CPPED1: variants seen among roughly 807,000 people sequenced by gnomAD.
CPPED1 encodes the protein serine/threonine-protein phosphatase CPPED1.
CPPED1 carries 28 observed loss-of-function variants against 28.0 expected under a neutral mutation model. The observed-to-expected ratio is 1.00, with a 90% confidence interval of 0.74 to 1.37. CPPED1 has a LOEUF of 1.37. Ranked by LOEUF, CPPED1 falls within the 40% of genes most tolerant of loss-of-function variation. The probability of loss-of-function intolerance (pLI) is 0.00; values close to 1 mark genes in which losing one functional copy is unlikely to be tolerated. For missense variants in CPPED1, 504 were observed against 416.5 expected (o/e 1.21, Z -1.83); for synonymous variants, 198 against 180.2 (o/e 1.10, Z -0.79).
At chr16:12,713,361 CT>C (rs2080089708) in intron 2 of CPPED1, among the ~76,000 whole-genome samples, 1 of 151,946 alleles carries the variant, frequency 6.6e-6, no homozygotes, top group Non-Finnish European at 1.5e-5. Flanking sequence ...CTAGTTTCTT[CT>C]TTTTTATTTT....
In CPPED1 at chr16:12,709,240, G is replaced by T. The variant is rs1325169594; in HGVS notation, c.290-4191C>A. ...ACAAAAAGAATGTATATAAAGGACA[G>T]GAAGAAAGGCAGGGAAACAAGGGGA... On this transcript the variant is annotated intron_variant, in intron 2 of 3. Transcript: ENST00000381774. This position sits in a 1 kb window ranked among gnomAD's most constrained non-coding sequence, Gnocchi z 4.4. Among the ~76,000 whole-genome samples, 2 of 152,192 alleles carry T rather than the reference G, an allele frequency of 1.3e-5. No homozygotes were observed. The highest frequency in any genetic ancestry group is 1.5e-5 in the Non-Finnish European group (1 of 68,044).
At chr16:12,694,741 G>T (rs1314694964) in intron 3 of CPPED1, among the ~76,000 whole-genome samples, 12 of 116,236 alleles carry the variant, frequency 1.0e-4, no homozygotes, top group African/African-American at 2.9e-4. Flanking sequence ...TGGGGGGGGG[G>T]GCGGGGGCAT....
At chr16:12,778,728 G>C (rs1350888266) in intron 2 of CPPED1, among the ~76,000 whole-genome samples, 2 of 152,180 alleles carry the variant, frequency 1.3e-5, no homozygotes, top group Non-Finnish European at 2.9e-5. Flanking sequence ...CTAAATGAGA[G>C]GGAAACCACT....
At chr16:12,738,981 A>T (rs1376530243) in intron 2 of CPPED1, among the ~76,000 whole-genome samples, 1 of 152,198 alleles carries the variant, frequency 6.6e-6, no homozygotes, top group Non-Finnish European at 1.5e-5. Context: ...GTGCTTGCTC[A>T]GGGAGGTTAG....
intron 2 of CPPED1, among the ~76,000 whole-genome samples, chr16:12,763,771 A>G (rs1424436539): frequency 6.6e-6 from 1 of 152,076 alleles, no homozygotes; most frequent in East Asian, 1.9e-4. Flanking sequence ...AAACGTATGG[A>G]CTCCAGGAGG....
chr16:12,721,239 A>C (rs996564285), intron 2 of CPPED1, among the ~76,000 whole-genome samples: 1 of 152,140 alleles, frequency 6.6e-6, no homozygotes, highest in African/African-American at 2.4e-5. Context: ...ACGGAAACTT[A>C]GTACTTACCT....
At chr16:12,722,480 G>A (rs559573662) in intron 2 of CPPED1, among the ~76,000 whole-genome samples, 23 of 152,340 alleles carry the variant, frequency 1.5e-4, no homozygotes, top group Non-Finnish European at 2.6e-4. Context: ...GCTCACGCCT[G>A]TAATCCCAGC....
intron 3 of CPPED1, among the ~76,000 whole-genome samples, chr16:12,686,780 C>A (rs2079935661): frequency 6.6e-6 from 1 of 152,202 alleles, no homozygotes; most frequent in South Asian, 2.1e-4. Context: ...ATGTTGGCAA[C>A]TGAAAACAAA....
intron 2 of CPPED1, among the ~76,000 whole-genome samples, chr16:12,742,506 A>G (rs1247266506): frequency 6.6e-6 from 1 of 152,254 alleles, no homozygotes; most frequent in African/African-American, 2.4e-5. Context: ...CTATCTGCTC[A>G]AAAGAGTTAC....
At chr16:12,702,558 GA>G (rs1448957728) in intron 3 of CPPED1, among the ~76,000 whole-genome samples, 2 of 150,708 alleles carry the variant, frequency 1.3e-5, no homozygotes, top group South Asian at 4.2e-4. Context: ...TCAATCAATA[GA>G]AAAAATTAGA....
rs147353726 is a variant in CPPED1 at position 12,692,136 on chromosome 16, G to T, written c.715+12488C>A. ...CCCAAAGTGCTAGGATTACAGGCATGAGCCACTGTGCCCGGCCGTGTCCAT... is the reference window on the plus strand; with the variant it reads ...CCCAAAGTGCTAGGATTACAGGCATTAGCCACTGTGCCCGGCCGTGTCCAT... On this transcript the variant is annotated intron_variant, in intron 3 of 3. Transcript: ENST00000381774. Among the ~76,000 whole-genome samples, 334 of 152,258 alleles carry T rather than the reference G, an allele frequency of 2.2e-3. 2 individuals carry two copies. Among genetic ancestry groups the T allele is most frequent in the African/African-American group, 7.6e-3 (316 of 41,548 alleles).
intron 2 of CPPED1, among the ~76,000 whole-genome samples, chr16:12,774,237 G>A (rs1040591574): frequency 2.0e-5 from 3 of 152,040 alleles, no homozygotes; most frequent in Non-Finnish European, 2.9e-5. Flanking sequence ...TTTGGGAGGC[G>A]AGGAGGGCAA....
chr16:12,794,873 A>G (rs1376092502), intron 1 of CPPED1, among the ~76,000 whole-genome samples: 1 of 152,188 alleles, frequency 6.6e-6, no homozygotes, highest in South Asian at 2.1e-4. Context: ...TCCTTCCAAA[A>G]TCTTTATCTG....
intron 2 of CPPED1, among the ~76,000 whole-genome samples, chr16:12,772,788 C>G (rs1275959187): frequency 6.6e-6 from 1 of 152,202 alleles, no homozygotes; most frequent in Non-Finnish European, 1.5e-5. Context: ...TCCATAAGCT[C>G]TTATCCCAAA....
intron 2 of CPPED1, chr16:12,754,006 G>C (rs146376429): frequency 1.6e-3 from 238 of 152,256 alleles, no homozygotes; most frequent in African/African-American, 5.4e-3. Flanking sequence ...CAGTCTCACG[G>C]GGGTCTTGGT....
At chr16:12,803,186 CCT>C (rs1195653778) in intron 1 of CPPED1, among the ~76,000 whole-genome samples, 1 of 152,206 alleles carries the variant, frequency 6.6e-6, no homozygotes, top group Non-Finnish European at 1.5e-5. Flanking sequence ...GAATGCCCTC[CCT>C]CTCTACTGCT....
intron 2 of CPPED1, among the ~76,000 whole-genome samples, chr16:12,713,419 G>A (rs908809505): frequency 6.6e-6 from 1 of 152,138 alleles, no homozygotes; most frequent in South Asian, 2.1e-4. Flanking sequence ...AGGCTGGAGT[G>A]CAGTGGCGCA....
chr16:12,752,270 T>A (rs11075153), intron 2 of CPPED1, among the ~76,000 whole-genome samples: 106,409 of 151,990 alleles, frequency 0.7, 38,251 homozygotes, highest in Admixed American at 0.82. Context: ...TTCTGGCTCT[T>A]AAAAAGCCTA....
At chr16:12,733,319 G>A (rs1359542657) in intron 2 of CPPED1, among the ~76,000 whole-genome samples, 7 of 145,732 alleles carry the variant, frequency 4.8e-5, no homozygotes, top group Admixed American at 1.4e-4. Flanking sequence ...CTGTCACCCA[G>A]GCTGGAATGC....
Sources: gnomAD v4.1 joint callset for allele counts (sites outside exome capture counted in the v4.1 genomes callset) on GRCh38, gnomAD v4.1.1 for gene constraint, Gnocchi (gnomAD v3.1) non-coding constraint, MANE v1.5 for transcripts, NCBI Gene and HGNC (gene_info 2026-07-23, HGNC 2026-07-21) for gene names.